The following TNRC18 variants were observed in gnomAD, a reference collection of about 807,000 sequenced individuals.
TNRC18 encodes the protein trinucleotide repeat-containing gene 18 protein.
In TNRC18, 69 loss-of-function variants were observed where a neutral mutation model predicts 226.7. That is an observed-to-expected ratio of 0.30 (90% CI 0.25 to 0.37). The LOEUF (loss-of-function observed/expected upper bound fraction) is 0.37. Ranked by LOEUF, TNRC18 falls within the 10% of genes least tolerant of loss-of-function variation. The pLI is 1.00. For synonymous variants in TNRC18, 2,449 were observed against 1,927.6 expected (o/e 1.27, Z -7.09); for missense variants, 4,754 against 4,256.6 (o/e 1.12, Z -3.25).
intron 18 of TNRC18, among the ~76,000 whole-genome samples, chr7:5,340,844 G>A (rs573105147): frequency 6.6e-6 from 1 of 152,248 alleles, no homozygotes; most frequent in Non-Finnish European, 1.5e-5. Flanking sequence ...GAGTTCTCCA[G>A]AAGATCCAGC....
intron 18 of TNRC18, among the ~76,000 whole-genome samples, chr7:5,341,418 C>CAAAAAA (rs35407523): frequency 1.2e-5 from 1 of 85,094 alleles, no homozygotes; most frequent in Non-Finnish European, 2.2e-5. Flanking sequence ...GACTCCATCT[C>CAAAAAA]AAAAAAAAAA....
intron 14 of TNRC18, among the ~76,000 whole-genome samples, chr7:5,360,019 T>G (rs1228939257): frequency 1.3e-5 from 2 of 151,790 alleles, no homozygotes; most frequent in Non-Finnish European, 2.9e-5. Context: ...AGCCACTTGC[T>G]GGTCTCTGGA....
chr7:5,408,434 G>T (rs568489925), intron 2 of TNRC18, among the ~76,000 whole-genome samples: 3 of 152,072 alleles, frequency 2.0e-5, no homozygotes, highest in Non-Finnish European at 2.9e-5. Flanking sequence ...GATCACCTGA[G>T]GTCAGGAGTT....
At chr7:5,406,769 T>G (rs1472675750) in intron 2 of TNRC18, among the ~76,000 whole-genome samples, 1 of 150,044 alleles carries the variant, frequency 6.7e-6, no homozygotes, top group African/African-American at 2.5e-5. Context: ...GAGAGTCACT[T>G]GAACCCAGGA....
chr7:5,372,785 G>A (rs1794287285), intron 10 of TNRC18, among the ~76,000 whole-genome samples: 1 of 152,156 alleles, frequency 6.6e-6, no homozygotes, highest in Admixed American at 6.5e-5. Flanking sequence ...CAGTTCGGGA[G>A]GCCAGGGTGG....
In TNRC18 at chr7:5,377,701, C is replaced by T. The variant is rs1281823486; in HGVS notation, c.2256-125G>A. On this transcript the variant is annotated intron_variant, in intron 6 of 29. Coordinates refer to ENST00000430969, the MANE Select transcript of TNRC18 (RefSeq NM_001080495.3). This position sits in a 1 kb window ranked among gnomAD's most constrained non-coding sequence, Gnocchi z 5.8. ...GAGTCAGGACAACCACTGCTCGGAA[C>T]TGAAGGGCCTCCCGGGGCCTTCCAC... The T allele has an allele frequency of 1.7e-6, 2 of 1,167,106 alleles. No homozygotes were observed. Among genetic ancestry groups the T allele is most frequent in the African/African-American group, 1.5e-5 (1 of 64,704 alleles). 72.3% of individuals were successfully genotyped at this position (1,167,106 alleles called of 1,614,324 possible).
intron 9 of TNRC18, 23 bp downstream of exon 9, chr7:5,376,011 G>C (rs1244040295): frequency 6.4e-7 from 1 of 1,571,324 alleles, no homozygotes; most frequent in Admixed American, 1.9e-5. Flanking sequence ...AGAGGGAGCT[G>C]CGCCTCATCC....
Position 5,309,113 on chromosome 7 carries a change from A to T in TNRC18, c.8625+19T>A. 6.3e-7 allele frequency: 1 copy of T among 1,587,894 alleles called. No individual in the cohort carries two copies. Among genetic ancestry groups the T allele is most frequent in the Non-Finnish European group, 8.6e-7 (1 of 1,167,786 alleles). On this transcript the variant is annotated intron_variant, in intron 28 of 29. Coordinates refer to ENST00000430969, the MANE Select transcript of TNRC18 (RefSeq NM_001080495.3). The surrounding 1 kb of genome is among the most constrained non-coding windows in gnomAD (Gnocchi z 5.7). ...TACACCGCCTAGGACTGGGGGCCGC[A>T]GCCGGGCCGCAGGCTCACCTGGCCC...
At position 5,390,503 on chromosome 7, in the gene TNRC18, C is replaced by A; in HGVS notation, c.469G>T (p.Gly157Cys). 1 of 1,613,762 alleles carries A rather than the reference C, an allele frequency of 6.2e-7. No homozygotes were observed. Among genetic ancestry groups the A allele is most frequent in the Non-Finnish European group, 8.5e-7 (1 of 1,179,832 alleles). ...GTCTTACCTCCTCCTGGCCCCTGAC[C>A]TTTCTGGGTATCGAAAATGCTGGGC... ...GQPSIFDTQK[G>C]QGPGGDGFYL... The change falls in exon 4 of 30, where the codon GGT becomes TGT. Residue 157 changes from glycine to cysteine, a missense_variant. Transcript: ENST00000430969.
At chr7:5,389,422 G>A in intron 4 of TNRC18, 86 bp from the exon 5 acceptor site, 1 of 1,200,830 alleles carries the variant, frequency 8.3e-7, no homozygotes, top group Non-Finnish European at 1.0e-6. Context: ...CTGAGAGGGG[G>A]ATGGACCAAC....
chr7:5,353,345 TG>T (rs889196266), intron 16 of TNRC18, among the ~76,000 whole-genome samples: 3 of 152,122 alleles, frequency 2.0e-5, no homozygotes, highest in African/African-American at 4.8e-5. Context: ...GAGACCAGCC[TG>T]GCCAACATGG....
intron 24 of TNRC18, 39 bp from the exon 25 acceptor site, chr7:5,316,111 C>A (rs772286089): frequency 6.6e-7 from 1 of 1,517,886 alleles, no homozygotes; most frequent in East Asian, 2.3e-5. Context: ...GCCCTCGGAC[C>A]TCCAGCTCCC....
rs151300673 is a variant in TNRC18 at position 5,309,424 on chromosome 7, C to G, written c.8389-56G>C. The G allele has an allele frequency of 2.2e-5, 33 of 1,499,816 alleles. No homozygotes were observed. The highest frequency in any genetic ancestry group is 2.9e-5 in the Non-Finnish European group (32 of 1,109,918). The allele number at this position is 1,499,816 out of a possible 1,614,324, so 92.9% of individuals were successfully genotyped here. ...CCTGGCCCAGCCCCAAGGAGCCCGCCGCCTGGCAGGCTCTGCCGCTTGGGA... is the reference window on the plus strand; with the variant it reads ...CCTGGCCCAGCCCCAAGGAGCCCGCGGCCTGGCAGGCTCTGCCGCTTGGGA... On this transcript the variant is annotated intron_variant, in intron 27 of 29. Coordinates refer to ENST00000430969, the MANE Select transcript of TNRC18 (RefSeq NM_001080495.3). The surrounding 1 kb of genome is among the most constrained non-coding windows in gnomAD (Gnocchi z 5.7).
intron 10 of TNRC18, among the ~76,000 whole-genome samples, chr7:5,372,807 G>A (rs896095462): frequency 6.6e-6 from 1 of 152,136 alleles, no homozygotes; most frequent in Non-Finnish European, 1.5e-5. Flanking sequence ...AGGACTGCTT[G>A]AGCCCAGGAG....
chr7:5,420,567 C>T (rs1051633287), intron 2 of TNRC18: 6 of 449,550 alleles, frequency 1.3e-5, no homozygotes, highest in Non-Finnish European at 2.7e-5. Context: ...CTCCCGCATC[C>T]CCCGGCGCTC....
At chr7:5,340,547 G>C (rs1790584508) in intron 18 of TNRC18, among the ~76,000 whole-genome samples, 2 of 150,456 alleles carry the variant, frequency 1.3e-5, no homozygotes. Flanking sequence ...GACCAGCCTG[G>C]CCAACATGGT....
Position 5,423,808 on chromosome 7 carries a change from C to T in TNRC18, c.-611G>A, listed in dbSNP as rs901924411. ...TTGGAAAAGGTACATTACACAACCC[C>T]CCTTTCAAGTTCCTCTCGCAGGATC... On this transcript the variant is annotated 5_prime_UTR_variant, in exon 1 of 30. Coordinates refer to ENST00000430969, the MANE Select transcript of TNRC18 (RefSeq NM_001080495.3). Among the ~76,000 whole-genome samples the T allele has an allele frequency of 2.0e-5, 3 of 151,306 alleles. No individual in the cohort carries two copies. The highest frequency in any genetic ancestry group is 1.3e-4 in the Admixed American group (2 of 15,228).
At chr7:5,334,095 G>T (rs1416601536) in intron 18 of TNRC18, among the ~76,000 whole-genome samples, 1 of 152,118 alleles carries the variant, frequency 6.6e-6, no homozygotes, top group Non-Finnish European at 1.5e-5. Context: ...ACAACCTCAG[G>T]GAGAGCCAGT....
intron 2 of TNRC18, among the ~76,000 whole-genome samples, chr7:5,414,824 G>A (rs1782072973): frequency 6.6e-6 from 1 of 152,162 alleles, no homozygotes; most frequent in Non-Finnish European, 1.5e-5. Context: ...CTAATCTACA[G>A]TCCATATTCC....
Sources: gnomAD v4.1 joint callset for allele counts (sites outside exome capture counted in the v4.1 genomes callset) on GRCh38, gnomAD v4.1.1 for gene constraint, Gnocchi (gnomAD v3.1) non-coding constraint, MANE v1.5 for transcripts, NCBI Gene and HGNC (gene_info 2026-07-23, HGNC 2026-07-21) for gene names.